LYPLAL1: variants seen among roughly 807,000 people sequenced by gnomAD.
LYPLAL1 encodes lysophospholipase-like protein 1.
In LYPLAL1, 23 loss-of-function variants were observed where a neutral mutation model predicts 19.7. The observed-to-expected ratio is 1.17, with a 90% CI of 0.84 to 1.65. The LOEUF is 1.65. Among genes scored for constraint, LYPLAL1 ranks in the 40% most tolerant of loss-of-function variants. LYPLAL1 has a pLI of 0.00. For synonymous variants in LYPLAL1, 119 were observed against 96.3 expected, an observed-to-expected ratio of 1.24 and a Z score of -1.38; for missense variants, 355 against 279.4, an observed-to-expected ratio of 1.27 and a Z score of -1.93.
At chr1:219,376,513 C>G in the LYPLAL1 span, among the ~76,000 whole-genome samples, 10 of 152,192 alleles carry the variant, frequency 6.6e-5, no homozygotes, top group African/African-American at 2.2e-4. Context: ...TTGAAAGATA[C>G]TATCAACAGA....
chr1:219,174,533 C>T (rs1402979664), intron 1 of LYPLAL1, among the ~76,000 whole-genome samples: 1 of 152,166 alleles, frequency 6.6e-6, no homozygotes, highest in Non-Finnish European at 1.5e-5. Context: ...TCTTTCCTTC[C>T]TTTCCCTTTC....
chr1:219,297,204 C>G, the LYPLAL1 span, among the ~76,000 whole-genome samples: 3 of 152,292 alleles, frequency 2.0e-5, no homozygotes, highest in South Asian at 6.2e-4. Flanking sequence ...AATTACCTAC[C>G]CACTGACAAA....
At chr1:219,283,587 A>G in the LYPLAL1 span, among the ~76,000 whole-genome samples, 1 of 152,192 alleles carries the variant, frequency 6.6e-6, no homozygotes. Flanking sequence ...AATTAATAAT[A>G]TAATATTTTA....
intron 1 of LYPLAL1, 107 bp downstream of exon 1, chr1:219,174,088 C>T: frequency 2.0e-6 from 3 of 1,520,098 alleles, no homozygotes; most frequent in Non-Finnish European, 1.8e-6. Context: ...AAATAGGGCC[C>T]AGTGGGTGGC....
the LYPLAL1 span, among the ~76,000 whole-genome samples, chr1:219,435,952 A>G: frequency 3.3e-5 from 5 of 152,228 alleles, no homozygotes; most frequent in Non-Finnish European, 5.9e-5. Flanking sequence ...AGTCTGCACC[A>G]GAATGCAAAA....
At chr1:219,187,946 T>C (rs1558226622) in intron 2 of LYPLAL1, among the ~76,000 whole-genome samples, 1 of 151,826 alleles carries the variant, frequency 6.6e-6, no homozygotes, top group African/African-American at 2.4e-5. Context: ...TTCTTAGATA[T>C]GATTTTTTAA....
the LYPLAL1 span, among the ~76,000 whole-genome samples, chr1:219,284,989 A>G: frequency 2.6e-5 from 4 of 152,258 alleles, no homozygotes; most frequent in Non-Finnish European, 5.9e-5. Context: ...TACTAACATG[A>G]AATTAATGGT....
the LYPLAL1 span, chr1:219,437,317 C>T: frequency 6.6e-6 from 1 of 152,342 alleles, no homozygotes; most frequent in African/African-American, 2.4e-5. Flanking sequence ...ATCATCCCAC[C>T]TGTAAAGCAT....
At chr1:219,244,298 G>A in the LYPLAL1 span, among the ~76,000 whole-genome samples, 6 of 152,318 alleles carry the variant, frequency 3.9e-5, no homozygotes, top group African/African-American at 1.4e-4. Context: ...CTGAAGGAAA[G>A]CCAGGTAGGG....
At chr1:219,233,708 T>C in the LYPLAL1 span, among the ~76,000 whole-genome samples, 3 of 151,720 alleles carry the variant, frequency 2.0e-5, no homozygotes, top group Non-Finnish European at 4.4e-5. Context: ...AGGTCGAGGC[T>C]GCAGTGAGCT....
the LYPLAL1 span, among the ~76,000 whole-genome samples, chr1:219,282,345 C>T: frequency 6.6e-6 from 1 of 151,798 alleles, no homozygotes; most frequent in Admixed American, 6.6e-5. Flanking sequence ...AAAAATATAT[C>T]ATAGATCTTG....
At chr1:219,425,975 G>A in the LYPLAL1 span, among the ~76,000 whole-genome samples, 1 of 152,154 alleles carries the variant, frequency 6.6e-6, no homozygotes, top group South Asian at 2.1e-4. Context: ...CCTCGCTGTT[G>A]TTCTAAAGAA....
At chr1:219,223,319 C>T in the LYPLAL1 span, 2 of 152,108 alleles carry the variant, frequency 1.3e-5, no homozygotes, top group Non-Finnish European at 2.9e-5. Context: ...ATTTATTGCC[C>T]AGTAAACCAT....
chr1:219,387,411 T>C, the LYPLAL1 span, among the ~76,000 whole-genome samples: 1 of 152,194 alleles, frequency 6.6e-6, no homozygotes, highest in South Asian at 2.1e-4. Context: ...GTAACTGCTG[T>C]GTTTACACAG....
the LYPLAL1 span, among the ~76,000 whole-genome samples, chr1:219,324,523 C>A: frequency 6.6e-6 from 1 of 152,162 alleles, no homozygotes; most frequent in Admixed American, 6.5e-5. Flanking sequence ...ATAAAGGCAG[C>A]AGCTAAAATT....
chr1:219,235,850 T>C, the LYPLAL1 span, among the ~76,000 whole-genome samples: 1 of 152,186 alleles, frequency 6.6e-6, no homozygotes, highest in Non-Finnish European at 1.5e-5. Flanking sequence ...AAGTTGACCT[T>C]GTGAAGTTCC....
intron 3 of LYPLAL1, among the ~76,000 whole-genome samples, chr1:219,202,987 A>C (rs1191330279): frequency 6.6e-6 from 1 of 152,134 alleles, no homozygotes; most frequent in Non-Finnish European, 1.5e-5. Flanking sequence ...TGTCTGGCCC[A>C]GGCTAGGTTT....
the LYPLAL1 span, among the ~76,000 whole-genome samples, chr1:219,435,980 C>T: frequency 6.2e-4 from 94 of 152,214 alleles, no homozygotes; most frequent in African/African-American, 2.1e-3. Context: ...GAGAACTAGC[C>T]CCAATCCTTG....
the LYPLAL1 span, among the ~76,000 whole-genome samples, chr1:219,232,494 G>A: frequency 6.6e-6 from 1 of 152,092 alleles, no homozygotes; most frequent in South Asian, 2.1e-4. Context: ...TCTTGGGTAT[G>A]ACAGCAAAAG....
Sources: gnomAD v4.1 joint callset for allele counts (sites outside exome capture counted in the v4.1 genomes callset) on GRCh38, gnomAD v4.1.1 for gene constraint, MANE v1.5 for transcripts, NCBI Gene and HGNC (gene_info 2026-07-23, HGNC 2026-07-21) for gene names.